FREM1: variants seen among roughly 807,000 people sequenced by gnomAD.
FREM1 encodes FRAS1-related extracellular matrix protein 1.
FREM1 carries 220 observed loss-of-function variants against 210.1 expected under a neutral mutation model. The observed-to-expected ratio is 1.05, with a 90% CI of 0.94 to 1.17. The LOEUF (loss-of-function observed/expected upper bound fraction) is 1.17, where lower values mean the gene tolerates loss of function less well. Among genes scored for constraint, FREM1 ranks in the 50% most tolerant of loss-of-function variants. FREM1 has a pLI of 0.00. For missense variants in FREM1, 3,454 were observed against 2,675.5 expected, an observed-to-expected ratio of 1.29 and a Z score of -6.42; for synonymous variants, 1,189 against 980.2, an observed-to-expected ratio of 1.21 and a Z score of -3.98.
chr9:14,865,695 G>A (rs1365569544), intron 2 of FREM1, among the ~76,000 whole-genome samples: 2 of 151,858 alleles, frequency 1.3e-5, no homozygotes, highest in African/African-American at 4.8e-5. Flanking sequence ...GTGTGTGTGT[G>A]TGTGCACATG....
chr9:14,860,682 T>C (rs528496700), intron 3 of FREM1, among the ~76,000 whole-genome samples: 44 of 110,082 alleles, frequency 4.0e-4, no homozygotes, highest in East Asian at 8.9e-4. Context: ...CACACATATA[T>C]ACACATATAT....
chr9:14,782,263 C>T (rs1849755491), intron 24 of FREM1: 2 of 413,080 alleles, frequency 4.8e-6, no homozygotes, highest in African/African-American at 2.1e-5. Context: ...TTCTAAAATG[C>T]CATCTAATAA....
Position 14,841,533 on chromosome 9 carries a change from G to T in FREM1, c.1795C>A (p.Arg599Ser). The T allele has an allele frequency of 6.2e-7, 1 of 1,611,628 alleles. No individual in the cohort carries two copies. The highest frequency in any genetic ancestry group is 8.5e-7 in the Non-Finnish European group (1 of 1,178,222). ...TCAAAGATTTCTCCACCAAAATGAC[G>T]ATAATAAATGATTCCATTAAACAAA... The part of the protein sequence containing the change: ...RDLFNGIIYY[R>S]HFGGEIFEDS... The change falls in exon 10 of 37, where the codon CGT (arginine) becomes AGT (serine). Residue 599 changes from arginine to serine, a missense_variant. Physicochemically the swap from Arg to Ser is moderately radical, Grantham distance 110. Transcript: ENST00000380880.
intron 32 of FREM1, 25 bp from the exon 33 acceptor site, chr9:14,747,453 C>A: frequency 6.3e-7 from 1 of 1,594,352 alleles, no homozygotes; most frequent in East Asian, 2.3e-5. Flanking sequence ...CAATCAACAA[C>A]AATAAGGAAA....
intron 24 of FREM1, among the ~76,000 whole-genome samples, chr9:14,779,940 C>G (rs545148094): frequency 6.6e-6 from 1 of 152,108 alleles, no homozygotes; most frequent in Non-Finnish European, 1.5e-5. Flanking sequence ...AGAGAGACAT[C>G]ATCAGAGAGA....
chr9:14,746,679 T>A (rs541430442), intron 34 of FREM1, among the ~76,000 whole-genome samples: 2 of 152,362 alleles, frequency 1.3e-5, no homozygotes, highest in South Asian at 4.1e-4. Flanking sequence ...TTGTTACAAC[T>A]TTGACACTCT....
chr9:14,874,706 C>T (rs1279220230), intron 1 of FREM1, among the ~76,000 whole-genome samples: 1 of 152,116 alleles, frequency 6.6e-6, no homozygotes. Flanking sequence ...TTGATCCTGT[C>T]ATTATGATTT....
At chr9:14,847,400 A>AGAAGGAAGGAAGGAAGGAAGGAAG (rs1348075386) in intron 7 of FREM1, among the ~76,000 whole-genome samples, 1,168 of 34,832 alleles carry the variant, frequency 0.034, 206 homozygotes, top group Middle Eastern at 0.12. Flanking sequence ...AGAGAGAAAA[A>AGAAGGAAGGAAGGAAGGAAGGAAG]GAAGGAAGGA....
At chr9:14,770,258 A>G (rs1241336874) in intron 26 of FREM1, among the ~76,000 whole-genome samples, 1 of 152,206 alleles carries the variant, frequency 6.6e-6, no homozygotes, top group Non-Finnish European at 1.5e-5. Context: ...AAAAGATCTG[A>G]CATCATTTAG....
intron 36 of FREM1, among the ~76,000 whole-genome samples, chr9:14,738,037 T>G (rs918538638): frequency 2.3e-4 from 35 of 152,228 alleles, no homozygotes; most frequent in Non-Finnish European, 4.9e-4. Context: ...TTTTTCTTCC[T>G]CATTATTTAA....
chr9:14,854,512 A>G (rs867809974), intron 5 of FREM1, among the ~76,000 whole-genome samples: 1 of 152,126 alleles, frequency 6.6e-6, no homozygotes, highest in African/African-American at 2.4e-5. Context: ...CAGTTGATAA[A>G]AGTAAAAAAT....
Position 14,759,907 on chromosome 9 carries a change from T to C in FREM1, c.5205-6A>G, listed in dbSNP as rs749059537. On this transcript the variant is annotated splice_polypyrimidine_tract_variant and splice_region_variant and intron_variant, in intron 27 of 36. Transcript: ENST00000380880. ...GAGACCACTTCAGTTCCAAACTGTGTGTGAAAGGAAAAGAGAAATCATGAG... is the reference window on the plus strand; with the variant it reads ...GAGACCACTTCAGTTCCAAACTGTGCGTGAAAGGAAAAGAGAAATCATGAG... 5.0e-6 allele frequency: 8 copies of C among 1,605,606 alleles called. No individual in the cohort carries two copies. Among genetic ancestry groups the C allele is most frequent in the Non-Finnish European group, 6.8e-6 (8 of 1,175,412 alleles).
At chr9:14,869,629 T>A (rs1832216281) in intron 1 of FREM1, among the ~76,000 whole-genome samples, 1 of 152,162 alleles carries the variant, frequency 6.6e-6, no homozygotes, top group Non-Finnish European at 1.5e-5. Context: ...TATAATCTAA[T>A]TTTTTTCAGA....
At position 14,783,651 on chromosome 9, in the gene FREM1, C is replaced by A. The variant is rs142046860; in HGVS notation, c.4442+719G>T. Among the ~76,000 whole-genome samples the A allele has an allele frequency of 5.5e-3, 844 of 152,288 alleles. 13 individuals carry two copies. The highest frequency in any genetic ancestry group is 0.019 in the African/African-American group (789 of 41,566). On this transcript the variant is annotated intron_variant, in intron 24 of 36. Transcript: ENST00000380880. ...GAGATTATAGATCTTCTGGACTTGG[C>A]TCTTGCTTTATGTGACTTGAAACAA... is the stretch of plus-strand genomic sequence containing the variant.
At chr9:14,862,969 C>G (rs1205586272) in intron 3 of FREM1, among the ~76,000 whole-genome samples, 1 of 151,998 alleles carries the variant, frequency 6.6e-6, no homozygotes, top group African/African-American at 2.4e-5. Context: ...CATAAGTTTT[C>G]ATTTTTCTTA....
At chr9:14,902,760 T>C (rs1325590414) in intron 1 of FREM1, among the ~76,000 whole-genome samples, 2 of 152,202 alleles carry the variant, frequency 1.3e-5, no homozygotes, top group Middle Eastern at 3.2e-3. Flanking sequence ...CTGAGGAATT[T>C]TGTCACCCCA....
In FREM1 at chr9:14,746,952, C is replaced by A. The variant is rs201502030; in HGVS notation, c.6109G>T (p.Ala2037Ser). The A allele has an allele frequency of 6.2e-6, 10 of 1,613,058 alleles. No homozygotes were observed. In the African/African-American group the frequency reaches 9.3e-5, roughly 15 times the overall value. ...IQKLYQCNGI[A>S]WKAWSPQTKD... ...GTTTGGGGACTCCAGGCTTTCCAGG[C>A]GATCCCATTGCACTGATACAGCTTC... The change falls in exon 34 of 37, where the codon GCC becomes TCC. Residue 2037 changes from alanine to serine, a missense_variant. Coordinates refer to ENST00000380880, the MANE Select transcript of FREM1 (RefSeq NM_001379081.2).
chr9:14,886,769 A>T (rs1181972454), intron 1 of FREM1, among the ~76,000 whole-genome samples: 1 of 152,118 alleles, frequency 6.6e-6, no homozygotes, highest in African/African-American at 2.4e-5. Context: ...GTGCTGGCAC[A>T]TGCCTGTGGT....
At chr9:14,769,601 T>A in intron 27 of FREM1, 123 bp downstream of exon 27, 1 of 1,014,224 alleles carries the variant, frequency 9.9e-7, no homozygotes, top group East Asian at 2.8e-5. Flanking sequence ...TCCATGAGCT[T>A]GTGAAATGGT....
Sources: allele counts gnomAD v4.1 joint callset (sites outside exome capture counted in the v4.1 genomes callset), GRCh38; gene constraint gnomAD v4.1.1; transcripts MANE v1.5; gene names NCBI Gene and HGNC (gene_info 2026-07-23, HGNC 2026-07-21).